ANKRD37: variants seen among roughly 807,000 people sequenced by gnomAD.
The protein encoded by ANKRD37 is ankyrin repeat domain 37, also known as ankyrin repeat domain-containing protein 37.
Under a neutral mutation model 19.7 loss-of-function variants are expected in ANKRD37, and 17 were observed. That is an observed-to-expected ratio of 0.86 (90% CI 0.59 to 1.29). ANKRD37 has a LOEUF of 1.29. Among genes scored for constraint, ANKRD37 ranks in the 50% most tolerant of loss-of-function variants. The pLI, the probability that ANKRD37 is intolerant of heterozygous loss-of-function variation, is 0.00. For synonymous variants in ANKRD37, 79 were observed against 74.5 expected (o/e 1.06, Z -0.31); for missense variants, 207 against 190.4 (o/e 1.09, Z -0.51).
In ANKRD37 at chr4:185,400,200, G is replaced by A. The variant is rs1160199801; in HGVS notation, c.*183G>A. On this transcript the variant is annotated 3_prime_UTR_variant, in exon 5 of 5. Transcript: ENST00000335174. ...TACATGCCTATAATATGCTGGTTGT[G>A]TATGCTTTGTCTTTTAAGTTATTAA... 2.9e-6 allele frequency: 2 copies of A among 697,160 alleles called. No individual in the cohort carries two copies. Among genetic ancestry groups the A allele is most frequent in the African/African-American group, 1.8e-5 (1 of 55,402 alleles). 43.2% of individuals were successfully genotyped at this position (697,160 alleles called of 1,614,324 possible). A position where few individuals can be genotyped will look rare whatever the true frequency, so the allele number is the denominator to read the frequency against.
intron 3 of ANKRD37, 173 bp from the exon 4 acceptor site, chr4:185,399,397 T>G: frequency 1.5e-6 from 1 of 654,550 alleles, no homozygotes; most frequent in Non-Finnish European, 2.6e-6. Context: ...TATGCTGGAT[T>G]CTGTTAGTTG....
At chr4:185,398,826 G>T (rs1580039875) in intron 2 of ANKRD37, 111 bp from the exon 3 acceptor site, 8 of 684,758 alleles carry the variant, frequency 1.2e-5, no homozygotes, top group East Asian at 3.1e-5. Flanking sequence ...TCCCTGTCCA[G>T]TACAATGCAG....
Position 185,396,846 on chromosome 4 carries a change from T to C in ANKRD37, c.-78T>C, listed in dbSNP as rs2095504728. Reference sequence around the variant, plus strand: ...TCCCGTGCTAGGGCCAGCCTGCGCATTCTTACCTGTCGGGGTGCGGCGAGT... The same window carrying C: ...TCCCGTGCTAGGGCCAGCCTGCGCACTCTTACCTGTCGGGGTGCGGCGAGT... On this transcript the variant is annotated 5_prime_UTR_variant, in exon 1 of 5. Transcript: ENST00000335174. 6.7e-7 allele frequency: 1 copy of C among 1,499,958 alleles called. No homozygotes were observed. The highest frequency in any genetic ancestry group is 1.4e-5 in the African/African-American group (1 of 72,710). The allele number at this position is 1,499,958 out of a possible 1,614,324, so 92.9% of individuals were successfully genotyped here.
chr4:185,399,586 G>A lies in ANKRD37; in HGVS notation c.289G>A (p.Gly97Arg), dbSNP rs201802691. ...DAQIDLCNKN[G>R]QTAEDLAWSC... ...TGTTTTCAGTTTATGTAATAAGAAC[G>A]GGCAAACAGCTGAAGATCTCGCTTG... The change falls in exon 4 of 5, where the codon GGG becomes AGG. Residue 97 changes from glycine (G) to arginine (R), a missense_variant. By Grantham distance (125) the Gly-to-Arg change is moderately radical. Coordinates refer to ENST00000335174, the MANE Select transcript of ANKRD37 (RefSeq NM_181726.4). 6.6e-5 allele frequency: 107 copies of A among 1,613,952 alleles called. No homozygotes were observed. Among genetic ancestry groups the A allele is most frequent in the Middle Eastern group, 3.3e-4 (2 of 6,082 alleles).
Position 185,397,659 on chromosome 4 carries a change from C to A in ANKRD37, c.180+357C>A, listed in dbSNP as rs1303152626. 1.8e-5 allele frequency: 4 copies of A among 224,794 alleles called. No homozygotes were observed. The East Asian group carries it at 5.6e-4, about 31-fold the overall frequency. The allele number at this position is 224,794 out of a possible 1,614,324, so 13.9% of individuals were successfully genotyped here. On this transcript the variant is annotated intron_variant, in intron 2 of 4. Coordinates refer to ENST00000335174, the MANE Select transcript of ANKRD37 (RefSeq NM_181726.4). ...TTCACAATCTGGTGTGACAGCGTAT[C>A]TCAAATCAGACTAGCCACATTTCAA...
chr4:185,400,473 C>T, downstream of ANKRD37: 1 of 1,613,176 alleles, frequency 6.2e-7, no homozygotes, highest in Non-Finnish European at 8.5e-7. Flanking sequence ...TCCATCCGCA[C>T]CAGCCCTGGA....
intron 2 of ANKRD37, chr4:185,397,642 C>T (rs2095506782): frequency 8.1e-6 from 2 of 245,888 alleles, no homozygotes; most frequent in Non-Finnish European, 1.6e-5. Context: ...TCTTCACAAT[C>T]TGGTGTGACA....
intron 2 of ANKRD37, 39 bp downstream of exon 2, chr4:185,397,341 C>T: frequency 6.3e-7 from 1 of 1,598,400 alleles, no homozygotes; most frequent in Non-Finnish European, 8.5e-7. Context: ...CCGTCCCCTC[C>T]AACCCAGACA....
At chr4:185,400,317 T>C (rs1161389746), downstream of ANKRD37, 1 of 1,192,102 alleles carries the variant, frequency 8.4e-7, no homozygotes, top group Non-Finnish European at 1.2e-6. Flanking sequence ...CAGGATTTAA[T>C]GTGAAAAATT....
intron 3 of ANKRD37, 134 bp from the exon 4 acceptor site, chr4:185,399,436 A>G: frequency 1.1e-6 from 1 of 908,820 alleles, no homozygotes; most frequent in Non-Finnish European, 1.7e-6. Flanking sequence ...CCAAAAATGC[A>G]ATTTCCTTAT....
At chr4:185,397,448 GTAATT>G (rs1475601009) in intron 2 of ANKRD37, 146 bp downstream of exon 2, 2 of 1,134,466 alleles carry the variant, frequency 1.8e-6, no homozygotes, top group East Asian at 2.7e-5. Context: ...AGACACAGAT[GTAATT>G]TAAGAGTTTT....
rs368996821 is a variant in ANKRD37, at chr4:185,396,916, G to A, written c.-8G>A. ...CCAAGGACTCTTGTCATCTGCCTTA[G>A]GCGGGAAATGCTGTTGCTGGATTGC... On this transcript the variant is annotated 5_prime_UTR_variant, in exon 1 of 5. Coordinates refer to ENST00000335174, the MANE Select transcript of ANKRD37 (RefSeq NM_181726.4). 13 of 1,613,434 alleles carry A rather than the reference G, an allele frequency of 8.1e-6. No individual in the cohort carries two copies. Among genetic ancestry groups the A allele is most frequent in the Middle Eastern group, 1.7e-4 (1 of 6,048 alleles).
Position 185,400,178 on chromosome 4 carries a change from A to G in ANKRD37, c.*161A>G. 2.7e-6 allele frequency: 2 copies of G among 736,260 alleles called. No homozygotes were observed. The highest frequency in any genetic ancestry group is 4.4e-6 in the Non-Finnish European group (2 of 454,512). The allele number at this position is 736,260 out of a possible 1,614,324, so 45.6% of individuals were successfully genotyped here. On this transcript the variant is annotated 3_prime_UTR_variant, in exon 5 of 5. Transcript: ENST00000335174. ...TCCATTTAAGAACACATGTATTTACATGCCTATAATATGCTGGTTGTGTAT... is the reference window on the plus strand; with the variant it reads ...TCCATTTAAGAACACATGTATTTACGTGCCTATAATATGCTGGTTGTGTAT...
intron 2 of ANKRD37, 54 bp downstream of exon 2, chr4:185,397,356 C>G (rs2095506108): frequency 1.9e-6 from 3 of 1,582,052 alleles, no homozygotes; most frequent in Non-Finnish European, 2.6e-6. Flanking sequence ...CAGACACACA[C>G]AAACATTTCT....
In ANKRD37 at chr4:185,398,618, T is replaced by C. The variant is rs1464873129; in HGVS notation, c.181-319T>C. Among the ~76,000 whole-genome samples the C allele has an allele frequency of 2.0e-5, 3 of 152,186 alleles. No individual in the cohort carries two copies. The East Asian group carries it at 5.8e-4, about 29-fold the overall frequency. On this transcript the variant is annotated intron_variant, in intron 2 of 4. Transcript: ENST00000335174. ...GAAGTGTTGCACTTGCAAACGATTA[T>C]CAGTAGTGTTTTTAATTAGAAGAGA...
rs780976023 is a variant in ANKRD37, at chr4:185,399,756, TG to T, written c.462del (p.Arg156GlyfsTer73). The T allele has an allele frequency of 8.7e-6, 14 of 1,614,100 alleles. No homozygotes were observed. In the Admixed American group the frequency reaches 2.2e-4, roughly 25 times the overall value. ...GTCTCGGAAGTGTAGAAAATACCAG[TG>T]GGAAAAGGAAGTGCTGGTAAGTAAC... ...RSLGSVENTS[G>X]KRKC On this transcript the variant is annotated frameshift_variant, in exon 4 of 5. Transcript: ENST00000335174. LOFTEE classifies it high-confidence loss of function.
At chr4:185,400,310 G>A, downstream of ANKRD37, 1 of 1,139,624 alleles carries the variant, frequency 8.8e-7, no homozygotes, top group East Asian at 2.4e-5. Flanking sequence ...CTAGAACCAG[G>A]ATTTAATGTG....
intron 2 of ANKRD37, 41 bp downstream of exon 2, chr4:185,397,343 A>G: frequency 6.3e-7 from 1 of 1,595,498 alleles, no homozygotes; most frequent in Non-Finnish European, 8.6e-7. Context: ...GTCCCCTCCA[A>G]CCCAGACACA....
At chr4:185,399,512 TAAAAA>T (rs11287696) in intron 3 of ANKRD37, 53 bp from the exon 4 acceptor site, 19 of 1,552,934 alleles carry the variant, frequency 1.2e-5, no homozygotes, top group Non-Finnish European at 1.7e-5. Flanking sequence ...TTGTAAGATA[TAAAAA>T]AAAAGACTTA....
Sources: gnomAD v4.1 joint callset for allele counts (sites outside exome capture counted in the v4.1 genomes callset) on GRCh38, gnomAD v4.1.1 for gene constraint, MANE v1.5 for transcripts, NCBI Gene and HGNC (gene_info 2026-07-23, HGNC 2026-07-21) for gene names.